The following TAFA1 variants were observed in gnomAD, a reference collection of about 807,000 sequenced individuals.
TAFA1 encodes the protein TAFA chemokine like family member 1.
A neutral mutation model predicts 18.5 loss-of-function variants in TAFA1; 4 were observed. The observed-to-expected ratio is 0.22, with a 90% CI of 0.11 to 0.49. TAFA1 has a LOEUF of 0.49. Ranked by LOEUF, TAFA1 falls within the 20% of genes least tolerant of loss-of-function variation. TAFA1 has a pLI of 0.98. For missense variants in TAFA1, 147 were observed against 169.0 expected, an observed-to-expected ratio of 0.87 and a Z score of 0.72; for synonymous variants, 56 against 55.2, an observed-to-expected ratio of 1.01 and a Z score of -0.06.
At chr3:68,471,772 T>A (rs1299584789) in intron 3 of TAFA1, among the ~76,000 whole-genome samples, 1 of 152,124 alleles carries the variant, frequency 6.6e-6, no homozygotes, top group Non-Finnish European at 1.5e-5. Context: ...CAAGGAACAA[T>A]ACTTTGCATC....
At chr3:68,115,778 T>G (rs745465094) in intron 2 of TAFA1, among the ~76,000 whole-genome samples, 14 of 152,216 alleles carry the variant, frequency 9.2e-5, no homozygotes, top group Middle Eastern at 3.2e-3. Flanking sequence ...TATTTTTTTG[T>G]GTGTGACAAG....
chr3:68,174,206 A>G (rs1332809948), intron 2 of TAFA1, among the ~76,000 whole-genome samples: 1 of 152,176 alleles, frequency 6.6e-6, no homozygotes, highest in Non-Finnish European at 1.5e-5. Flanking sequence ...GGTGGTTGGT[A>G]TTTTGGTTTA....
At chr3:68,422,770 T>C (rs1014760073) in intron 3 of TAFA1, among the ~76,000 whole-genome samples, 9 of 152,242 alleles carry the variant, frequency 5.9e-5, no homozygotes, top group Non-Finnish European at 1.2e-4. Flanking sequence ...TAAATACTTA[T>C]AAAAGCATTA....
At chr3:68,329,207 C>T (rs531844440) in intron 2 of TAFA1, among the ~76,000 whole-genome samples, 1 of 141,848 alleles carries the variant, frequency 7.0e-6, no homozygotes, top group African/African-American at 2.6e-5. Flanking sequence ...CACAACCATG[C>T]CTGGCTGCCT....
rs139401750 is a variant in TAFA1 at position 68,390,127 on chromosome 3, CA to C, written c.119-27152del. Reference sequence around the variant, plus strand: ...TGGCTTGAAATTCTCACGGCCAGCACAGCAGTCTGAAGTCAACCTGGGATGC... The same window carrying C: ...TGGCTTGAAATTCTCACGGCCAGCACGCAGTCTGAAGTCAACCTGGGATGC... On this transcript the variant is annotated intron_variant, in intron 2 of 4. Transcript: ENST00000478136. Among the ~76,000 whole-genome samples the C allele has an allele frequency of 8.1e-3, 1,236 of 152,280 alleles. 15 individuals carry two copies. Among genetic ancestry groups the C allele is most frequent in the African/African-American group, 0.028 (1,165 of 41,566 alleles).
intron 2 of TAFA1, among the ~76,000 whole-genome samples, chr3:68,028,731 C>A (rs886715125): frequency 1.4e-5 from 2 of 147,114 alleles, no homozygotes; most frequent in Admixed American, 7.0e-5. Flanking sequence ...TCTCCCTCAG[C>A]CTCACTCTTT....
At chr3:68,259,061 AAC>A (rs1260394683) in intron 2 of TAFA1, among the ~76,000 whole-genome samples, 1 of 152,144 alleles carries the variant, frequency 6.6e-6, no homozygotes, top group Non-Finnish European at 1.5e-5. Flanking sequence ...GATGTCGATA[AAC>A]CACAGATGCT....
chr3:68,346,009 G>A (rs1249378290), intron 2 of TAFA1, among the ~76,000 whole-genome samples: 4 of 152,090 alleles, frequency 2.6e-5, no homozygotes, highest in African/African-American at 4.8e-5. Context: ...TGGCTACTTC[G>A]CAGCTCTTTT....
chr3:68,360,829 G>T (rs1196393442), intron 2 of TAFA1, among the ~76,000 whole-genome samples: 5 of 151,888 alleles, frequency 3.3e-5, no homozygotes, highest in African/African-American at 1.2e-4. Flanking sequence ...CATGAAAAAA[G>T]TTTGGTACTC....
At chr3:68,354,819 A>T (rs1000307329) in intron 2 of TAFA1, among the ~76,000 whole-genome samples, 1 of 151,870 alleles carries the variant, frequency 6.6e-6, no homozygotes, top group African/African-American at 2.4e-5. Context: ...GATGAAAGGG[A>T]TGGAAGAGAT....
chr3:68,436,014 C>A (rs775560791), intron 3 of TAFA1, among the ~76,000 whole-genome samples: 1 of 152,106 alleles, frequency 6.6e-6, no homozygotes, highest in African/African-American at 2.4e-5. Context: ...TTTTTAAAAG[C>A]TCCATGAGGG....
At chr3:68,076,315 T>C (rs1310160660) in intron 2 of TAFA1, among the ~76,000 whole-genome samples, 9 of 151,918 alleles carry the variant, frequency 5.9e-5, no homozygotes, top group Admixed American at 5.9e-4. Context: ...GTTTGTTTGT[T>C]TTAAATTATA....
intron 2 of TAFA1, among the ~76,000 whole-genome samples, chr3:68,099,530 A>G (rs1000729789): frequency 6.6e-6 from 1 of 152,028 alleles, no homozygotes. Context: ...TGTGGAGAAC[A>G]CTTATACACT....
At chr3:68,328,290 T>C (rs1460278733) in intron 2 of TAFA1, among the ~76,000 whole-genome samples, 1 of 152,226 alleles carries the variant, frequency 6.6e-6, no homozygotes, top group African/African-American at 2.4e-5. Context: ...GTGTTGAAAT[T>C]ACCAATTTCA....
At chr3:68,457,583 A>T (rs2071688670) in intron 3 of TAFA1, among the ~76,000 whole-genome samples, 1 of 145,712 alleles carries the variant, frequency 6.9e-6, no homozygotes, top group Admixed American at 6.8e-5. Context: ...TGAAAAACAT[A>T]AACATTGTGA....
At chr3:68,230,238 A>G (rs2107113698) in intron 2 of TAFA1, among the ~76,000 whole-genome samples, 1 of 152,254 alleles carries the variant, frequency 6.6e-6, no homozygotes, top group Non-Finnish European at 1.5e-5. Flanking sequence ...TTTTGTACCC[A>G]TAACAAACCT....
intron 2 of TAFA1, among the ~76,000 whole-genome samples, chr3:68,249,238 G>A (rs2067143930): frequency 6.6e-6 from 1 of 152,166 alleles, no homozygotes. Flanking sequence ...TTATCCCCAG[G>A]ACTTGATCTC....
intron 2 of TAFA1, among the ~76,000 whole-genome samples, chr3:68,311,798 G>T (rs951864933): frequency 3.3e-5 from 5 of 152,232 alleles, no homozygotes; most frequent in African/African-American, 9.6e-5. Flanking sequence ...GGGTCTGGAG[G>T]ACGGTGGCCC....
intron 2 of TAFA1, among the ~76,000 whole-genome samples, chr3:68,400,487 T>G (rs10222670): frequency 0.58 from 88,018 of 151,922 alleles, 26,048 homozygotes; most frequent in African/African-American, 0.69. Flanking sequence ...TTATGCTGCT[T>G]ATTCCAGCCC....
Sources: allele counts gnomAD v4.1 joint callset (sites outside exome capture counted in the v4.1 genomes callset), GRCh38; gene constraint gnomAD v4.1.1; transcripts MANE v1.5; gene names NCBI Gene and HGNC (gene_info 2026-07-23, HGNC 2026-07-21).